The following CCDC169 variants were observed in gnomAD, a reference collection of about 807,000 sequenced individuals.
CCDC169 encodes coiled-coil domain-containing protein 169.
CCDC169 carries 30 observed loss-of-function variants against 36.0 expected under a neutral mutation model. That is an observed-to-expected ratio of 0.83 (90% CI 0.62 to 1.13). The LOEUF (loss-of-function observed/expected upper bound fraction) is 1.13. Among genes scored for constraint, CCDC169 ranks in the 50% most tolerant of loss-of-function variants. CCDC169 has a pLI of 0.00. For synonymous variants in CCDC169, 85 were observed against 81.5 expected, an observed-to-expected ratio of 1.04 and a Z score of -0.23; for missense variants, 245 against 245.9, an observed-to-expected ratio of 1.00 and a Z score of 0.03.
At chr13:36,228,813 AGTGACAGGGGGT>A (rs1295841678), downstream of CCDC169, among the ~76,000 whole-genome samples, 1 of 152,146 alleles carries the variant, frequency 6.6e-6, no homozygotes, top group East Asian at 1.9e-4. Context: ...ACCCTCCCAA[AGTGACAGGGGGT>A]GTGAGCCACC....
chr13:36,239,634 T>C (rs1038592308), intron 7 of CCDC169, among the ~76,000 whole-genome samples: 4 of 152,224 alleles, frequency 2.6e-5, no homozygotes, highest in African/African-American at 7.2e-5. Context: ...AAATAATCTC[T>C]AATTCTCATA....
chr13:36,227,109 A>G (rs981906258), downstream of CCDC169: 19 of 800,490 alleles, frequency 2.4e-5, no homozygotes, highest in African/African-American at 2.4e-4. Context: ...GTGGGTCCCA[A>G]TCTTTTCTGT....
intron 2 of CCDC169, among the ~76,000 whole-genome samples, chr13:36,288,051 C>G (rs1878450377): frequency 6.6e-6 from 1 of 151,884 alleles, no homozygotes; most frequent in Admixed American, 6.6e-5. Context: ...CTCTGTCACC[C>G]AGGCTAGAGT....
chr13:36,248,811 G>C (rs1258488469), intron 6 of CCDC169, 129 bp from the exon 7 acceptor site: 1 of 758,552 alleles, frequency 1.3e-6, no homozygotes, highest in African/African-American at 1.8e-5. Context: ...GAGAAGCTGA[G>C]AAAAATGGGA....
At chr13:36,261,049 A>G (rs910382313) in intron 4 of CCDC169, among the ~76,000 whole-genome samples, 2 of 152,168 alleles carry the variant, frequency 1.3e-5, no homozygotes, top group African/African-American at 4.8e-5. Context: ...TGGTCCTATA[A>G]AAGTGGGAAC....
chr13:36,286,670 C>G (rs1878294914), intron 2 of CCDC169, among the ~76,000 whole-genome samples: 1 of 152,116 alleles, frequency 6.6e-6, no homozygotes, highest in Admixed American at 6.5e-5. Flanking sequence ...ATCTCAGAAG[C>G]CATCTACAGC....
intron 4 of CCDC169, among the ~76,000 whole-genome samples, chr13:36,264,120 G>A (rs969050108): frequency 7.2e-5 from 11 of 152,032 alleles, no homozygotes; most frequent in African/African-American, 2.7e-4. Context: ...AATTATTTTG[G>A]CATTAAAGAT....
At chr13:36,232,143 G>C (rs1373155130) in intron 7 of CCDC169, among the ~76,000 whole-genome samples, 2 of 152,160 alleles carry the variant, frequency 1.3e-5, no homozygotes, top group Non-Finnish European at 2.9e-5. Flanking sequence ...CCTATCCACT[G>C]TTCCCCTGAC....
chr13:36,286,535 T>A (rs189737173), intron 2 of CCDC169, among the ~76,000 whole-genome samples: 3 of 152,308 alleles, frequency 2.0e-5, no homozygotes, highest in Admixed American at 2.0e-4. Flanking sequence ...CACAGCCCCT[T>A]AACCAGGGAT....
intron 7 of CCDC169, among the ~76,000 whole-genome samples, chr13:36,241,871 G>A (rs1384080829): frequency 3.3e-5 from 5 of 152,174 alleles, no homozygotes; most frequent in African/African-American, 4.8e-5. Context: ...GGTGCTGGGG[G>A]AGTGACCCAG....
chr13:36,235,422 T>C (rs1870954813), intron 7 of CCDC169, among the ~76,000 whole-genome samples: 1 of 152,102 alleles, frequency 6.6e-6, no homozygotes, highest in African/African-American at 2.4e-5. Flanking sequence ...TGATTTTTTA[T>C]TTGAAATGAT....
intron 4 of CCDC169, among the ~76,000 whole-genome samples, chr13:36,264,970 G>A (rs1178999820): frequency 6.6e-6 from 1 of 152,196 alleles, no homozygotes; most frequent in Non-Finnish European, 1.5e-5. Flanking sequence ...ATGTCAGTTA[G>A]ATCAAGTTGA....
At chr13:36,239,513 T>C (rs1871503138) in intron 7 of CCDC169, among the ~76,000 whole-genome samples, 1 of 152,176 alleles carries the variant, frequency 6.6e-6, no homozygotes, top group South Asian at 2.1e-4. Context: ...TTGTCATATG[T>C]ATTTTTCTGT....
chr13:36,272,002 T>C (rs9547054), intron 4 of CCDC169, among the ~76,000 whole-genome samples: 38,094 of 150,420 alleles, frequency 0.25, 5,113 homozygotes, highest in East Asian at 0.49. Flanking sequence ...GAAGAATCGC[T>C]TGAACTCAGG....
chr13:36,286,831 G>A (rs1878312974), intron 2 of CCDC169, among the ~76,000 whole-genome samples: 1 of 152,120 alleles, frequency 6.6e-6, no homozygotes, highest in Non-Finnish European at 1.5e-5. Flanking sequence ...AACAAGAGAG[G>A]TAGGGGTACT....
At chr13:36,288,229 T>A (rs573336204) in intron 2 of CCDC169, among the ~76,000 whole-genome samples, 43 of 152,192 alleles carry the variant, frequency 2.8e-4, no homozygotes, top group Non-Finnish European at 5.1e-4. Context: ...GCCACCAGGA[T>A]GGTCTCGATC....
chr13:36,269,822 T>C (rs971536312), intron 4 of CCDC169, among the ~76,000 whole-genome samples: 2 of 152,108 alleles, frequency 1.3e-5, no homozygotes, highest in Non-Finnish European at 2.9e-5. Flanking sequence ...AACATCATAC[T>C]GAACGGGGAG....
At chr13:36,231,467 G>T (rs1275758671) in intron 7 of CCDC169, among the ~76,000 whole-genome samples, 175 bp from the exon 8 acceptor site, 1 of 152,150 alleles carries the variant, frequency 6.6e-6, no homozygotes. Context: ...GCAGCCTTCT[G>T]TTATAGCACA....
chr13:36,296,003 A>AT (rs34495267), intron 1 of CCDC169, 146 bp from the exon 2 acceptor site: 143,193 of 542,574 alleles, frequency 0.26, 20,667 homozygotes, highest in East Asian at 0.47. Context: ...AGACTCAGGC[A>AT]AAGGAAGGCT....
Sources: allele counts gnomAD v4.1 joint callset (sites outside exome capture counted in the v4.1 genomes callset), GRCh38; gene constraint gnomAD v4.1.1; transcripts MANE v1.5; gene names NCBI Gene and HGNC (gene_info 2026-07-23, HGNC 2026-07-21).